The following KDM4C variants were observed in gnomAD, a reference collection of about 807,000 sequenced individuals.
KDM4C encodes lysine-specific demethylase 4C.
Under a neutral mutation model 129.3 loss-of-function variants are expected in KDM4C, and 81 were observed. The ratio of observed to expected loss-of-function variants is 0.63; its 90% CI spans 0.52 to 0.75. KDM4C has a LOEUF of 0.75. KDM4C is among the 30% of genes least tolerant of loss of function. KDM4C has a pLI of 0.00. For synonymous variants in KDM4C, 573 were observed against 456.1 expected (o/e 1.26, Z -3.26); for missense variants, 1,457 against 1,304.0 (o/e 1.12, Z -1.81).
At chr9:6,811,908 G>A (rs1162987021) in intron 3 of KDM4C, among the ~76,000 whole-genome samples, 2 of 152,180 alleles carry the variant, frequency 1.3e-5, no homozygotes, top group Non-Finnish European at 2.9e-5. Context: ...CACTGGATTT[G>A]TGGAATAGCT....
chr9:6,986,083 G>C (rs1462666195), intron 10 of KDM4C, among the ~76,000 whole-genome samples: 1 of 152,176 alleles, frequency 6.6e-6, no homozygotes, highest in African/African-American at 2.4e-5. Flanking sequence ...CATTAGTTCT[G>C]TCACTACATG....
At chr9:6,990,547 GA>G (rs756230445) in intron 12 of KDM4C, 23 bp downstream of exon 12, 7 of 1,254,182 alleles carry the variant, frequency 5.6e-6, no homozygotes, top group Non-Finnish European at 7.4e-6. Context: ...CCCTTTTTGG[GA>G]TTTTTTTTTT....
chr9:7,110,027 A>G (rs915213656), intron 18 of KDM4C, among the ~76,000 whole-genome samples: 1 of 152,180 alleles, frequency 6.6e-6, no homozygotes, highest in Non-Finnish European at 1.5e-5. Flanking sequence ...GCCATGTGGA[A>G]CTATGAGGCA....
chr9:6,761,705 AAG>A (rs1383173423), intron 1 of KDM4C, among the ~76,000 whole-genome samples: 3 of 152,192 alleles, frequency 2.0e-5, no homozygotes, highest in Non-Finnish European at 4.4e-5. Context: ...ATTTAGTGAT[AAG>A]ATAGGTACAT....
At chr9:7,161,641 G>A (rs1335985178) in intron 19 of KDM4C, among the ~76,000 whole-genome samples, 1 of 152,174 alleles carries the variant, frequency 6.6e-6, no homozygotes, top group Admixed American at 6.5e-5. Flanking sequence ...CCTCACGTGT[G>A]GGTGCAATGC....
intron 17 of KDM4C, chr9:7,076,323 T>C: frequency 1.3e-6 from 1 of 742,058 alleles, no homozygotes; most frequent in South Asian, 1.6e-5. Context: ...ATGGGAAGTG[T>C]CTGAGCTGGG....
chr9:6,934,095 C>T (rs934057346), intron 8 of KDM4C, among the ~76,000 whole-genome samples: 1 of 151,896 alleles, frequency 6.6e-6, no homozygotes, highest in Non-Finnish European at 1.5e-5. Flanking sequence ...TCAAGTGATC[C>T]GCCTGCCTCA....
chr9:7,140,248 G>C (rs1257971429), intron 19 of KDM4C, among the ~76,000 whole-genome samples: 1 of 152,166 alleles, frequency 6.6e-6, no homozygotes, highest in African/African-American at 2.4e-5. Flanking sequence ...AGGGGCTGAG[G>C]AGGCCTCTTC....
At chr9:6,729,204 C>CA (rs1186478804) in intron 1 of KDM4C, among the ~76,000 whole-genome samples, 523 of 31,840 alleles carry the variant, frequency 0.016, 14 homozygotes, top group African/African-American at 0.044. Context: ...GCTCCGTCTC[C>CA]AAAAAAAAAA....
intron 4 of KDM4C, among the ~76,000 whole-genome samples, chr9:6,827,437 G>A (rs1040217390): frequency 2.6e-5 from 4 of 152,176 alleles, no homozygotes; most frequent in Admixed American, 2.6e-4. Context: ...CTGTTGGTGA[G>A]GCATGGGAAT....
chr9:6,843,151 A>C (rs1259803522), intron 4 of KDM4C, among the ~76,000 whole-genome samples: 3 of 151,550 alleles, frequency 2.0e-5, no homozygotes, highest in Non-Finnish European at 4.4e-5. Flanking sequence ...CTGGCCTTGA[A>C]CTCCTGACCT....
chr9:7,150,066 C>G (rs1400825319), intron 19 of KDM4C, among the ~76,000 whole-genome samples: 1 of 152,202 alleles, frequency 6.6e-6, no homozygotes, highest in Non-Finnish European at 1.5e-5. Flanking sequence ...GGCTACAACT[C>G]TGTCTCCTGT....
At chr9:7,124,991 C>T (rs1490978832) in intron 18 of KDM4C, among the ~76,000 whole-genome samples, 5 of 152,138 alleles carry the variant, frequency 3.3e-5, no homozygotes, top group Non-Finnish European at 1.5e-5. Context: ...TAAGCTCCAC[C>T]AGCCCCTTGT....
At chr9:6,752,132 G>T (rs1227176150) in intron 1 of KDM4C, among the ~76,000 whole-genome samples, 2 of 150,180 alleles carry the variant, frequency 1.3e-5, no homozygotes, top group African/African-American at 5.0e-5. Flanking sequence ...AGGAGATCGA[G>T]ACCATCCTGG....
intron 17 of KDM4C, among the ~76,000 whole-genome samples, chr9:7,067,093 C>T (rs947284133): frequency 2.0e-5 from 3 of 152,164 alleles, no homozygotes; most frequent in African/African-American, 4.8e-5. Context: ...CACTCCTTTT[C>T]CTGGCAGTCC....
chr9:7,042,987 T>C (rs1828845951), intron 15 of KDM4C, among the ~76,000 whole-genome samples: 1 of 152,060 alleles, frequency 6.6e-6, no homozygotes, highest in Admixed American at 6.6e-5. Flanking sequence ...AACTACTCTA[T>C]AGTTGTGCAA....
intron 13 of KDM4C, among the ~76,000 whole-genome samples, chr9:7,013,086 A>G (rs765188932): frequency 6.6e-6 from 1 of 152,014 alleles, no homozygotes; most frequent in Non-Finnish European, 1.5e-5. Context: ...TCTTATTTCT[A>G]TATTATAATC....
At chr9:7,045,609 G>C (rs1350074953) in intron 15 of KDM4C, among the ~76,000 whole-genome samples, 2 of 152,010 alleles carry the variant, frequency 1.3e-5, no homozygotes, top group Non-Finnish European at 2.9e-5. Flanking sequence ...GGTATGGATA[G>C]AGAAAATTCT....
intron 18 of KDM4C, among the ~76,000 whole-genome samples, chr9:7,119,347 A>G (rs948798919): frequency 3.3e-5 from 5 of 152,224 alleles, no homozygotes; most frequent in Admixed American, 2.6e-4. Flanking sequence ...TGTGTCTTAG[A>G]AAATGGGAAA....
Sources: gnomAD v4.1 joint callset for allele counts (sites outside exome capture counted in the v4.1 genomes callset) on GRCh38, gnomAD v4.1.1 for gene constraint, MANE v1.5 for transcripts, NCBI Gene and HGNC (gene_info 2026-07-23, HGNC 2026-07-21) for gene names.